PLA2G4A: variants seen among roughly 807,000 people sequenced by gnomAD.
PLA2G4A encodes the protein phospholipase A2 group IVA.
In PLA2G4A, 40 loss-of-function variants were observed where a neutral mutation model predicts 81.9. That is an observed-to-expected ratio of 0.49 (90% CI 0.38 to 0.64). The LOEUF is 0.64. Among genes scored for constraint, PLA2G4A ranks in the 30% least tolerant of loss-of-function variants. The pLI is 0.00. For synonymous variants in PLA2G4A, 302 were observed against 296.9 expected, an observed-to-expected ratio of 1.02 and a Z score of -0.18; for missense variants, 715 against 905.1, an observed-to-expected ratio of 0.79 and a Z score of 2.69.
intron 2 of PLA2G4A, among the ~76,000 whole-genome samples, chr1:186,856,914 T>G (rs988134575): frequency 2.7e-5 from 4 of 149,592 alleles, no homozygotes; most frequent in Non-Finnish European, 4.4e-5. Context: ...TAATAGTACA[T>G]GATTCAAGGA....
intron 5 of PLA2G4A, among the ~76,000 whole-genome samples, chr1:186,906,312 C>T (rs1654735514): frequency 6.6e-6 from 1 of 152,082 alleles, no homozygotes; most frequent in African/African-American, 2.4e-5. Flanking sequence ...ATTTTCTTTC[C>T]TTTACACAAA....
intron 1 of PLA2G4A, among the ~76,000 whole-genome samples, chr1:186,844,545 A>G (rs1442914146): frequency 6.6e-6 from 1 of 152,232 alleles, no homozygotes; most frequent in Non-Finnish European, 1.5e-5. Flanking sequence ...GGATCAAAAA[A>G]TCAGTGTTTC....
intron 4 of PLA2G4A, 121 bp downstream of exon 4, chr1:186,893,280 T>G: frequency 1.2e-6 from 1 of 839,558 alleles, no homozygotes; most frequent in Non-Finnish European, 2.1e-6. Flanking sequence ...ACTGGGCAGC[T>G]TGGTAGACTA....
chr1:186,865,564 G>A (rs1012531623), intron 2 of PLA2G4A, among the ~76,000 whole-genome samples: 2 of 152,216 alleles, frequency 1.3e-5, no homozygotes, highest in Admixed American at 1.3e-4. Context: ...TAATCTCTGG[G>A]TTCAGTAATC....
intron 12 of PLA2G4A, among the ~76,000 whole-genome samples, chr1:186,947,350 T>C (rs1055841290): frequency 2.0e-5 from 3 of 152,118 alleles, no homozygotes; most frequent in Non-Finnish European, 4.4e-5. Flanking sequence ...GCTTGTCAGT[T>C]TATTTAACCC....
intron 1 of PLA2G4A, among the ~76,000 whole-genome samples, chr1:186,838,728 C>T (rs1257290346): frequency 6.6e-6 from 1 of 152,116 alleles, no homozygotes; most frequent in Non-Finnish European, 1.5e-5. Flanking sequence ...GGACTCCTAG[C>T]TAAGTACTTG....
intron 5 of PLA2G4A, among the ~76,000 whole-genome samples, chr1:186,895,160 T>C (rs1217147626): frequency 6.6e-6 from 1 of 152,236 alleles, no homozygotes; most frequent in African/African-American, 2.4e-5. Context: ...TGTTTCATTT[T>C]CCTCTTGTAA....
At position 186,911,318 on chromosome 1, in the gene PLA2G4A, GA is replaced by G; in HGVS notation, c.489del (p.Glu163AspfsTer3). 6.2e-7 allele frequency: 1 copy of G among 1,609,032 alleles called. No individual in the cohort carries two copies. The highest frequency in any genetic ancestry group is 8.5e-7 in the Non-Finnish European group (1 of 1,175,370). On this transcript the variant is annotated frameshift_variant, in exon 7 of 18. Coordinates refer to ENST00000367466, the MANE Select transcript of PLA2G4A (RefSeq NM_024420.3). LOFTEE classifies it high-confidence loss of function. ...QEKTFRQQRK[E>X]HIRESMKKLL... ...GAAGACTTTCAGACAACAGAGAAAAGAACACATAAGGGAGAGCATGAAGAAA... is the reference window on the plus strand; with the variant it reads ...GAAGACTTTCAGACAACAGAGAAAAGACACATAAGGGAGAGCATGAAGAAA...
At chr1:186,897,715 G>T (rs1276939934) in intron 5 of PLA2G4A, among the ~76,000 whole-genome samples, 4 of 152,094 alleles carry the variant, frequency 2.6e-5, no homozygotes, top group African/African-American at 9.6e-5. Flanking sequence ...CACCATGTTG[G>T]CCAGGCTGGT....
chr1:186,922,439 A>G (rs74595341), intron 7 of PLA2G4A, among the ~76,000 whole-genome samples: 4,032 of 152,270 alleles, frequency 0.026, 197 homozygotes, highest in African/African-American at 0.093. Flanking sequence ...TCCAAGTGCC[A>G]GTTCCTTCCT....
intron 3 of PLA2G4A, among the ~76,000 whole-genome samples, chr1:186,873,155 A>G (rs1380090586): frequency 6.6e-6 from 1 of 152,094 alleles, no homozygotes; most frequent in Non-Finnish European, 1.5e-5. Flanking sequence ...GGAAAAGTGA[A>G]TAGATGATAT....
chr1:186,918,868 G>A (rs983337372), intron 7 of PLA2G4A, among the ~76,000 whole-genome samples: 3 of 152,328 alleles, frequency 2.0e-5, no homozygotes, highest in Admixed American at 2.0e-4. Context: ...AGCATGGGGG[G>A]CCTTTATATT....
chr1:186,944,692 T>C (rs111693208), intron 10 of PLA2G4A, among the ~76,000 whole-genome samples: 4 of 152,290 alleles, frequency 2.6e-5, no homozygotes, highest in African/African-American at 9.6e-5. Flanking sequence ...GAACAAACAA[T>C]AAATATAGAT....
intron 1 of PLA2G4A, among the ~76,000 whole-genome samples, chr1:186,842,827 G>C (rs547617403): frequency 6.6e-6 from 1 of 152,220 alleles, no homozygotes; most frequent in Non-Finnish European, 1.5e-5. Flanking sequence ...CACTCGGTCT[G>C]TGATACTTTG....
chr1:186,914,165 C>G (rs1300297156), intron 7 of PLA2G4A, among the ~76,000 whole-genome samples: 1 of 152,052 alleles, frequency 6.6e-6, no homozygotes, highest in Non-Finnish European at 1.5e-5. Context: ...TCATAGCTCA[C>G]TGCATCATCA....
intron 3 of PLA2G4A, among the ~76,000 whole-genome samples, chr1:186,888,891 A>G (rs1178430198): frequency 2.0e-5 from 3 of 152,072 alleles, no homozygotes; most frequent in Non-Finnish European, 2.9e-5. Context: ...ATCTGGCCCT[A>G]TGAGATGATG....
intron 7 of PLA2G4A, among the ~76,000 whole-genome samples, chr1:186,917,385 G>T (rs926919098): frequency 1.3e-5 from 2 of 152,178 alleles, no homozygotes; most frequent in Non-Finnish European, 2.9e-5. Context: ...CTTAAGGGGA[G>T]TATCCTGTTT....
chr1:186,980,403 T>C (rs554484517), intron 17 of PLA2G4A, among the ~76,000 whole-genome samples: 1 of 152,348 alleles, frequency 6.6e-6, no homozygotes, highest in South Asian at 2.1e-4. Context: ...AACACTATTC[T>C]GTAACTGAAA....
intron 14 of PLA2G4A, among the ~76,000 whole-genome samples, chr1:186,963,416 A>T (rs921209063): frequency 2.0e-5 from 3 of 152,210 alleles, no homozygotes; most frequent in African/African-American, 7.2e-5. Context: ...GTAAATACTT[A>T]TTAAGAAAAC....
Sources: allele counts gnomAD v4.1 joint callset (sites outside exome capture counted in the v4.1 genomes callset), GRCh38; gene constraint gnomAD v4.1.1; transcripts MANE v1.5; gene names NCBI Gene and HGNC (gene_info 2026-07-23, HGNC 2026-07-21).